Variants in CCSER1 observed in about 807,000 individuals in gnomAD.
The protein encoded by CCSER1 is serine-rich coiled-coil domain-containing protein 1.
CCSER1 carries 41 observed loss-of-function variants against 82.0 expected under a neutral mutation model. That is an observed-to-expected ratio of 0.50 (90% CI 0.39 to 0.65). The LOEUF (loss-of-function observed/expected upper bound fraction) is 0.65, where lower values mean the gene tolerates loss of function less well. Ranked by LOEUF, CCSER1 falls within the 30% of genes least tolerant of loss-of-function variation. CCSER1 has a pLI of 0.00. For missense variants in CCSER1, 1,119 were observed against 1,064.2 expected (o/e 1.05, Z -0.72); for synonymous variants, 414 against 383.9 (o/e 1.08, Z -0.92).
chr4:90,845,040 A>T (rs1224671816), intron 8 of CCSER1, among the ~76,000 whole-genome samples: 1 of 152,126 alleles, frequency 6.6e-6, no homozygotes, highest in Non-Finnish European at 1.5e-5. Flanking sequence ...GACTTTTGAG[A>T]CAATATCTGG....
intron 5 of CCSER1, among the ~76,000 whole-genome samples, chr4:90,507,983 G>T (rs1472833514): frequency 6.6e-6 from 1 of 151,908 alleles, no homozygotes; most frequent in Non-Finnish European, 1.5e-5. Context: ...TGAAAATGAA[G>T]AATTTTCATA....
At chr4:90,375,638 T>A (rs1463798831) in intron 3 of CCSER1, among the ~76,000 whole-genome samples, 1 of 152,192 alleles carries the variant, frequency 6.6e-6, no homozygotes, top group Non-Finnish European at 1.5e-5. Context: ...TAACCATGAT[T>A]TGATAATCAT....
chr4:90,573,456 C>T (rs942176574), intron 5 of CCSER1, among the ~76,000 whole-genome samples: 12 of 152,212 alleles, frequency 7.9e-5, no homozygotes, highest in African/African-American at 2.9e-4. Context: ...CCCTTCATTT[C>T]CACAAAGTGG....
chr4:90,209,123 C>T (rs1259911359), intron 1 of CCSER1, among the ~76,000 whole-genome samples: 3 of 152,138 alleles, frequency 2.0e-5, no homozygotes, highest in Non-Finnish European at 1.5e-5. Flanking sequence ...AGAAATTGGG[C>T]CAGTGACCAT....
At chr4:91,197,584 T>G (rs2149060917) in intron 10 of CCSER1, among the ~76,000 whole-genome samples, 1 of 152,354 alleles carries the variant, frequency 6.6e-6, no homozygotes, top group South Asian at 2.1e-4. Context: ...TGTACTGCCT[T>G]GGAAGACTAT....
At chr4:91,404,758 G>C (rs1000687828) in intron 10 of CCSER1, among the ~76,000 whole-genome samples, 19 of 152,198 alleles carry the variant, frequency 1.2e-4, no homozygotes, top group African/African-American at 4.3e-4. Context: ...TTGTCTGAGA[G>C]ACAGTTTGTT....
chr4:91,205,463 T>C (rs933947353), intron 10 of CCSER1, among the ~76,000 whole-genome samples: 7 of 151,896 alleles, frequency 4.6e-5, no homozygotes, highest in Admixed American at 2.0e-4. Flanking sequence ...TCATTTTACA[T>C]GAGTGATGTT....
chr4:91,467,942 G>A (rs148022081), intron 10 of CCSER1, among the ~76,000 whole-genome samples: 4,232 of 152,276 alleles, frequency 0.028, 113 homozygotes, highest in Non-Finnish European at 0.042. Context: ...AAGACAGTGT[G>A]GCGATTCCTC....
chr4:91,308,853 A>AAAT (rs2149250108), intron 10 of CCSER1, among the ~76,000 whole-genome samples: 1 of 152,156 alleles, frequency 6.6e-6, no homozygotes, highest in Non-Finnish European at 1.5e-5. Flanking sequence ...GCAACCAAAT[A>AAAT]AATGTATAAA....
At chr4:91,189,298 T>C (rs534082202) in intron 10 of CCSER1, among the ~76,000 whole-genome samples, 6 of 152,230 alleles carry the variant, frequency 3.9e-5, no homozygotes, top group Admixed American at 3.3e-4. Flanking sequence ...CCAAGTATTC[T>C]AAGAGGTATT....
chr4:91,275,762 A>G (rs1005834788), intron 10 of CCSER1, among the ~76,000 whole-genome samples: 1 of 152,022 alleles, frequency 6.6e-6, no homozygotes, highest in African/African-American at 2.4e-5. Context: ...TGTTTCTTCT[A>G]TGTTTTCTTT....
chr4:91,439,549 G>A (rs1014128204), intron 10 of CCSER1, among the ~76,000 whole-genome samples: 8 of 151,916 alleles, frequency 5.3e-5, no homozygotes, highest in African/African-American at 1.7e-4. Context: ...AAAGACCATC[G>A]AGACTAGGAA....
At chr4:90,276,356 T>G (rs1328056624) in intron 1 of CCSER1, among the ~76,000 whole-genome samples, 2 of 147,298 alleles carry the variant, frequency 1.4e-5, no homozygotes, top group African/African-American at 5.0e-5. Context: ...TTCTTTTTTT[T>G]TTTTTTTGGA....
intron 3 of CCSER1, among the ~76,000 whole-genome samples, chr4:90,381,437 A>G (rs1324451296): frequency 1.3e-5 from 2 of 152,216 alleles, no homozygotes; most frequent in African/African-American, 2.4e-5. Context: ...ATAAAGGCTG[A>G]TTACAAAAGG....
At chr4:91,158,664 C>T (rs555379813) in intron 10 of CCSER1, among the ~76,000 whole-genome samples, 34 of 151,756 alleles carry the variant, frequency 2.2e-4, no homozygotes, top group Non-Finnish European at 4.0e-4. Context: ...GGGATGGACA[C>T]ACAAACGTGC....
chr4:91,209,338 G>A (rs1317520629), intron 10 of CCSER1, among the ~76,000 whole-genome samples: 1 of 151,850 alleles, frequency 6.6e-6, no homozygotes, highest in Admixed American at 6.6e-5. Flanking sequence ...GTATGATGTT[G>A]GCTGTGGGTT....
intron 6 of CCSER1, among the ~76,000 whole-genome samples, chr4:90,652,167 T>C (rs1728875383): frequency 6.6e-6 from 1 of 152,196 alleles, no homozygotes; most frequent in South Asian, 2.1e-4. Flanking sequence ...AATTTATAAG[T>C]AAATTTTAAA....
At chr4:90,326,773 C>T (rs936335825) in intron 3 of CCSER1, among the ~76,000 whole-genome samples, 3 of 152,162 alleles carry the variant, frequency 2.0e-5, no homozygotes, top group African/African-American at 7.2e-5. Context: ...CCCTCTTGCT[C>T]CCCAGGCCCT....
intron 3 of CCSER1, among the ~76,000 whole-genome samples, chr4:90,371,791 T>C (rs534187814): frequency 2.6e-5 from 4 of 152,280 alleles, no homozygotes; most frequent in South Asian, 4.1e-4. Context: ...TTGCTAATAA[T>C]AGTTTGATGA....
Sources: gnomAD v4.1 joint callset for allele counts (sites outside exome capture counted in the v4.1 genomes callset) on GRCh38, gnomAD v4.1.1 for gene constraint, MANE v1.5 for transcripts, NCBI Gene and HGNC (gene_info 2026-07-23, HGNC 2026-07-21) for gene names.